The following FBN1 variants were observed in gnomAD, a reference collection of about 807,000 sequenced individuals.
The protein encoded by FBN1 is fibrillin-1.
A neutral mutation model predicts 365.1 loss-of-function variants in FBN1; 29 were observed. That is an observed-to-expected ratio of 0.08 (90% confidence interval 0.06 to 0.11). The LOEUF (loss-of-function observed/expected upper bound fraction) is 0.11, where lower values mean the gene tolerates loss of function less well. Among genes scored for constraint, FBN1 ranks in the 10% least tolerant of loss-of-function variants. The pLI is 1.00. For synonymous variants in FBN1, 1,210 were observed against 1,270.5 expected, an observed-to-expected ratio of 0.95 and a Z score of 1.01; for missense variants, 2,476 against 3,703.2, an observed-to-expected ratio of 0.67 and a Z score of 8.60.
chr15:48,555,377 G>C (rs2141377914), intron 6 of FBN1, among the ~76,000 whole-genome samples: 1 of 152,214 alleles, frequency 6.6e-6, no homozygotes, highest in African/African-American at 2.4e-5. Flanking sequence ...AGACTATTTG[G>C]CATTGTCTGT....
chr15:48,509,427 A>T (rs2043740016), intron 14 of FBN1, among the ~76,000 whole-genome samples: 1 of 147,990 alleles, frequency 6.8e-6, no homozygotes, highest in Admixed American at 6.8e-5. Flanking sequence ...TACATATTTT[A>T]GATATATATA....
intron 2 of FBN1, among the ~76,000 whole-genome samples, chr15:48,629,820 T>C (rs1889950797): frequency 6.6e-6 from 1 of 152,248 alleles, no homozygotes; most frequent in Non-Finnish European, 1.5e-5. Flanking sequence ...GCCTAGTCCA[T>C]CCTGATATCC....
chr15:48,595,204 A>C (rs2044507372), intron 6 of FBN1, among the ~76,000 whole-genome samples: 1 of 152,226 alleles, frequency 6.6e-6, no homozygotes, highest in Non-Finnish European at 1.5e-5. Flanking sequence ...GATAAATTAT[A>C]AACACAGACA....
intron 6 of FBN1, among the ~76,000 whole-genome samples, chr15:48,588,222 A>G (rs1225195706): frequency 6.6e-6 from 1 of 152,236 alleles, no homozygotes; most frequent in Non-Finnish European, 1.5e-5. Context: ...TATCTCATAG[A>G]TAATTTTTAA....
At chr15:48,588,062 G>C (rs1384306632) in intron 6 of FBN1, among the ~76,000 whole-genome samples, 1 of 152,120 alleles carries the variant, frequency 6.6e-6, no homozygotes, top group Non-Finnish European at 1.5e-5. Flanking sequence ...TAGATACTTT[G>C]GGTAAAGTTT....
At position 48,495,452 on chromosome 15, in the gene FBN1, C is replaced by A. The variant is rs559032183; in HGVS notation, c.2539+17G>T. Reference sequence around the variant, plus strand: ...CATTGATAAACATAGAAAAATCATTCTCAGAAAGATAAATACCTATGCAGA... The same window carrying A: ...CATTGATAAACATAGAAAAATCATTATCAGAAAGATAAATACCTATGCAGA... On this transcript the variant is annotated intron_variant, in intron 21 of 65. Coordinates refer to ENST00000316623, the MANE Select transcript of FBN1 (RefSeq NM_000138.5). 2.4e-5 allele frequency: 38 copies of A among 1,611,992 alleles called. No individual in the cohort carries two copies. The South Asian group carries it at 4.0e-4, about 17-fold the overall frequency.
chr15:48,492,370 T>C, intron 24 of FBN1, 91 bp downstream of exon 24: 12 of 1,335,000 alleles, frequency 9.0e-6, no homozygotes, highest in Non-Finnish European at 1.1e-5. Flanking sequence ...TGTCTGTACC[T>C]GAAGCTAAGT....
intron 23 of FBN1, among the ~76,000 whole-genome samples, chr15:48,493,178 C>T (rs1167277559): frequency 6.6e-6 from 1 of 152,158 alleles, no homozygotes; most frequent in Non-Finnish European, 1.5e-5. Flanking sequence ...TTCATTCATT[C>T]ATCATTCATC....
In FBN1 at chr15:48,575,917, C is replaced by CATT. The variant is rs563255961; in HGVS notation, c.538+20363_538+20365dup. 4.3e-4 allele frequency among the ~76,000 whole-genome samples: 65 copies of CATT among 151,908 alleles called. 1 individual carries two copies. In the South Asian group the frequency reaches 0.013, roughly 31 times the overall value. ...CAGCATCATGGTTAGAACTGGAAAG[C>CATT]ATTATCCTAAGTAAAAGAATAGAAA... On this transcript the variant is annotated intron_variant, in intron 6 of 65. Transcript: ENST00000316623.
rs1430562775 is a variant in FBN1 at position 48,489,918 on chromosome 15, C to T, written c.3015G>A (p.Glu1005=). The change falls in exon 25 of 66, where the codon GAG becomes GAA. Residue 1005 remains glutamate (E), a synonymous_variant. Transcript: ENST00000316623. ...ATCCGGGTCCTCTCGGACACAGCTC[C>T]TCGTACTCAGGAGTATTTCTCATGG... ...ECPMRNTPEY[E]ELCPRGPGFA... 2.5e-6 allele frequency: 4 copies of T among 1,614,166 alleles called. No individual in the cohort carries two copies. The highest frequency in any genetic ancestry group is 3.4e-6 in the Non-Finnish European group (4 of 1,180,040).
Position 48,439,915 on chromosome 15 carries a change from G to A in FBN1, c.6163+1806C>T, listed in dbSNP as rs16960940. 0.016 allele frequency among the ~76,000 whole-genome samples: 2,491 copies of A among 152,192 alleles called. 207 individuals carry two copies. In the East Asian group the frequency reaches 0.24, roughly 15 times the overall value. On this transcript the variant is annotated intron_variant, in intron 50 of 65. Transcript: ENST00000316623. ...TGTCCACCTGAGTCCCATGGCATTC[G>A]CTTTTTAAAAAACATTATCCACGGT... is the stretch of plus-strand genomic sequence containing the variant.
In FBN1 at chr15:48,576,660, T is replaced by C. The variant is rs558474075; in HGVS notation, c.538+19623A>G. 2.3e-4 allele frequency among the ~76,000 whole-genome samples: 35 copies of C among 152,332 alleles called. 1 individual carries two copies. The South Asian group carries it at 6.8e-3, about 30-fold the overall frequency. Reference sequence around the variant, plus strand: ...CACCATTGATGCACTCGTTCATTCATTCATTCATTCAACAATTTTTATCAA... The same window carrying C: ...CACCATTGATGCACTCGTTCATTCACTCATTCATTCAACAATTTTTATCAA... On this transcript the variant is annotated intron_variant, in intron 6 of 65. Transcript: ENST00000316623.
In FBN1 at chr15:48,645,693, T is replaced by TGGCACCCACAGTCTCTGCCGC. The variant is rs1290725902; in HGVS notation, c.-301_-300insGCGGCAGAGACTGTGGGTGCC. ...CCCAGCTGTGGCTCCTGTCCGCTTG[T>TGGCACCCACAGTCTCTGCCGC]GGCACCCACAGTCTCTGCCGCGGCT... is the stretch of plus-strand genomic sequence containing the variant. On this transcript the variant is annotated 5_prime_UTR_variant, in exon 1 of 66. Transcript: ENST00000316623. 6.6e-6 allele frequency: 1 copy of TGGCACCCACAGTCTCTGCCGC among 152,474 alleles called. No homozygotes were observed. Among genetic ancestry groups the TGGCACCCACAGTCTCTGCCGC allele is most frequent in the African/African-American group, 2.4e-5 (1 of 41,462 alleles). The allele number at this position is 152,474 out of a possible 1,614,324, so 9.4% of individuals were successfully genotyped here. A position where few individuals can be genotyped will look rare whatever the true frequency, so the allele number is the denominator to read the frequency against.
Position 48,515,544 on chromosome 15 carries a change from C to T in FBN1, c.1328-17G>A, listed in dbSNP as rs1448548494. 1.9e-6 allele frequency: 3 copies of T among 1,613,656 alleles called. No homozygotes were observed. In the South Asian group the frequency reaches 3.3e-5, roughly 18 times the overall value. ...GCAGCACCCCTAGAAGAACATTAAGCCCCATTAAAATTATTTTAACTATGG... is the reference window on the plus strand; with the variant it reads ...GCAGCACCCCTAGAAGAACATTAAGTCCCATTAAAATTATTTTAACTATGG... On this transcript the variant is annotated splice_polypyrimidine_tract_variant and intron_variant, in intron 11 of 65. Transcript: ENST00000316623.
chr15:48,580,323 T>C (rs545015369), intron 6 of FBN1, among the ~76,000 whole-genome samples: 52 of 152,284 alleles, frequency 3.4e-4, no homozygotes, highest in African/African-American at 1.2e-3. Flanking sequence ...ATGAAACACG[T>C]GGTAGAGCCC....
Position 48,432,946 on chromosome 15 carries a change from C to A in FBN1, c.6659G>T (p.Arg2220Leu). ...ATATGACCCATAAGTGTTCACACAT[C>A]GGAAGGCACAGAGCAGAGGATTCTG... Reference protein sequence around the residue: ...CAQNPLLCAFRCVNTYGSYEC... With the variant: ...CAQNPLLCAFLCVNTYGSYEC... Residue 2220 changes from arginine (R) to leucine (L), a missense_variant, in exon 55 of 66, where the codon CGA (arginine) becomes CTA (leucine). Arg to Leu is a moderately radical substitution (Grantham distance 102). Transcript: ENST00000316623. The A allele has an allele frequency of 6.2e-7, 1 of 1,613,570 alleles. No individual in the cohort carries two copies. The highest frequency in any genetic ancestry group is 8.5e-7 in the Non-Finnish European group (1 of 1,179,610).
intron 63 of FBN1, among the ~76,000 whole-genome samples, chr15:48,418,270 G>A (rs1408259411): frequency 2.6e-5 from 4 of 152,314 alleles, no homozygotes; most frequent in Admixed American, 2.0e-4. Context: ...TTAGGAAAGA[G>A]AGAAGGCTAG....
Position 48,415,682 on chromosome 15 carries a change from G to A in FBN1, c.7905C>T (p.Ala2635=), listed in dbSNP as rs771798375. 7 of 1,614,080 alleles carry A rather than the reference G, an allele frequency of 4.3e-6. No homozygotes were observed. Among genetic ancestry groups the A allele is most frequent in the Admixed American group, 3.3e-5 (2 of 60,010 alleles). Residue 2635 remains alanine, a synonymous_variant, in exon 64 of 66, where the codon GCC becomes GCT. Coordinates refer to ENST00000316623, the MANE Select transcript of FBN1 (RefSeq NM_000138.5). ...CACTGAACTGTTCATACTGGAAGCC[G>A]GCGGGACACATGCACTTGTAGCTCC... ...TLGSYKCMCP[A]GFQYEQFSGG... is the part of the protein sequence containing the mutation.
intron 60 of FBN1, among the ~76,000 whole-genome samples, 186 bp downstream of exon 60, chr15:48,425,183 A>C (rs1458406624): frequency 6.6e-6 from 1 of 152,106 alleles, no homozygotes; most frequent in Non-Finnish European, 1.5e-5. Flanking sequence ...CTTCCTCCAC[A>C]ATCTCCCTGG....
Sources: gnomAD v4.1 joint callset for allele counts (sites outside exome capture counted in the v4.1 genomes callset) on GRCh38, gnomAD v4.1.1 for gene constraint, MANE v1.5 for transcripts, NCBI Gene and HGNC (gene_info 2026-07-23, HGNC 2026-07-21) for gene names.